The following KHDRBS2 variants were observed in gnomAD, a reference collection of about 807,000 sequenced individuals.
The protein encoded by KHDRBS2 is KH domain-containing, RNA-binding, signal transduction-associated protein 2.
A neutral mutation model predicts 44.3 loss-of-function variants in KHDRBS2; 26 were observed. The ratio of observed to expected loss-of-function variants is 0.59; its 90% confidence interval spans 0.43 to 0.81. KHDRBS2 has a LOEUF of 0.81. Ranked by LOEUF, KHDRBS2 falls within the 40% of genes least tolerant of loss-of-function variation. KHDRBS2 has a pLI of 0.00. For synonymous variants in KHDRBS2, 194 were observed against 151.1 expected (o/e 1.28, Z -2.08); for missense variants, 476 against 433.1 (o/e 1.10, Z -0.88).
At position 62,000,543 on chromosome 6, in the gene KHDRBS2, C is replaced by T. The variant is rs145223471; in HGVS notation, c.337-22331G>A. ...AGTGAGAAAAAAATATCAAATTAAG[C>T]ACCTTAAAGATTCGTAAGAGTTAAA... On this transcript the variant is annotated intron_variant, in intron 3 of 8. Coordinates refer to ENST00000281156, the MANE Select transcript of KHDRBS2 (RefSeq NM_152688.4). Among the ~76,000 whole-genome samples the T allele has an allele frequency of 2.1e-3, 325 of 152,242 alleles. 1 individual carries two copies. The highest frequency in any genetic ancestry group is 7.3e-3 in the African/African-American group (305 of 41,544).
At chr6:61,583,757 A>G in the KHDRBS2 span, among the ~76,000 whole-genome samples, 1 of 151,626 alleles carries the variant, frequency 6.6e-6, no homozygotes, top group African/African-American at 2.4e-5. Flanking sequence ...TAATCTTGCT[A>G]ATATTTTTAT....
intron 6 of KHDRBS2, among the ~76,000 whole-genome samples, chr6:61,872,321 C>T (rs1325106816): frequency 6.6e-6 from 1 of 151,862 alleles, no homozygotes; most frequent in East Asian, 1.9e-4. Flanking sequence ...GCATGTGAAT[C>T]CAAATTTGTA....
At chr6:61,745,633 T>TTTCAGAAGAGAAG (rs1776754667) in intron 6 of KHDRBS2, among the ~76,000 whole-genome samples, 1 of 152,020 alleles carries the variant, frequency 6.6e-6, no homozygotes, top group Non-Finnish European at 1.5e-5. Flanking sequence ...CAAGATCAAG[T>TTTCAGAAGAGAAG]TTTAGAAGCC....
intron 6 of KHDRBS2, among the ~76,000 whole-genome samples, chr6:61,734,253 T>C (rs1209400058): frequency 6.6e-6 from 1 of 152,156 alleles, no homozygotes; most frequent in East Asian, 1.9e-4. Context: ...CTCTATTTGT[T>C]CCTTGAATAC....
intron 6 of KHDRBS2, among the ~76,000 whole-genome samples, chr6:61,822,264 A>C (rs1257031656): frequency 6.6e-6 from 1 of 151,900 alleles, no homozygotes; most frequent in Non-Finnish European, 1.5e-5. Flanking sequence ...TCTTCATCCT[A>C]CTGTAGCCTA....
At chr6:62,168,558 C>G (rs993895147) in intron 2 of KHDRBS2, among the ~76,000 whole-genome samples, 9 of 151,984 alleles carry the variant, frequency 5.9e-5, no homozygotes, top group African/African-American at 2.2e-4. Flanking sequence ...ACAGCTTGTG[C>G]CATTTAGGTA....
At chr6:61,739,443 T>G (rs1775842877) in intron 6 of KHDRBS2, among the ~76,000 whole-genome samples, 2 of 151,892 alleles carry the variant, frequency 1.3e-5, no homozygotes, top group African/African-American at 4.8e-5. Context: ...TGGAAGAATA[T>G]TTCCTCAATT....
intron 1 of KHDRBS2, among the ~76,000 whole-genome samples, chr6:62,190,282 A>G (rs1331400926): frequency 6.6e-6 from 1 of 152,164 alleles, no homozygotes; most frequent in Non-Finnish European, 1.5e-5. Flanking sequence ...GATGCTGCGT[A>G]TCTTTATAAG....
the KHDRBS2 span, among the ~76,000 whole-genome samples, chr6:61,611,642 T>A: frequency 1.3e-5 from 2 of 152,212 alleles, no homozygotes; most frequent in South Asian, 4.1e-4. Context: ...AATCATTTGA[T>A]TCTTTGTTCA....
the KHDRBS2 span, among the ~76,000 whole-genome samples, chr6:61,543,078 C>T: frequency 4.6e-5 from 7 of 151,840 alleles, no homozygotes; most frequent in Admixed American, 1.3e-4. Context: ...TAATACTCCA[C>T]AAGCACAGGC....
chr6:61,646,460 T>C, the KHDRBS2 span, among the ~76,000 whole-genome samples: 11 of 152,146 alleles, frequency 7.2e-5, no homozygotes, highest in Non-Finnish European at 2.9e-5. Flanking sequence ...TTGCTTTTTG[T>C]CAGTTAAAAA....
Position 61,720,042 on chromosome 6 carries a change from T to C in KHDRBS2, c.893+12640A>G, listed in dbSNP as rs1318135391. Among the ~76,000 whole-genome samples the C allele has an allele frequency of 2.6e-5, 4 of 152,000 alleles. No individual in the cohort carries two copies. The East Asian group carries it at 5.8e-4, about 22-fold the overall frequency. On this transcript the variant is annotated intron_variant, in intron 7 of 8. Coordinates refer to ENST00000281156, the MANE Select transcript of KHDRBS2 (RefSeq NM_152688.4). ...GAATATGCGGTGTTTGGTTTTTTGT[T>C]CTTGCGATAGTTTACTGAGAATGAT...
intron 1 of KHDRBS2, among the ~76,000 whole-genome samples, chr6:62,225,578 T>C (rs1831634233): frequency 6.6e-6 from 1 of 152,188 alleles, no homozygotes; most frequent in Non-Finnish European, 1.5e-5. Flanking sequence ...CATGTAGGGT[T>C]GTTACATAGG....
intron 6 of KHDRBS2, among the ~76,000 whole-genome samples, chr6:61,837,246 G>A (rs75571779): frequency 6.6e-6 from 1 of 151,938 alleles, no homozygotes; most frequent in East Asian, 1.9e-4. Flanking sequence ...TGTCACATAA[G>A]TATTCAAAGT....
At chr6:62,146,789 GA>G (rs5876779) in intron 2 of KHDRBS2, among the ~76,000 whole-genome samples, 148,624 of 151,752 alleles carry the variant, frequency 0.98, 72,801 homozygotes, top group East Asian at 1. Context: ...CAAGGGTTGA[GA>G]AAAAAATGGT....
the KHDRBS2 span, among the ~76,000 whole-genome samples, chr6:61,586,718 A>G: frequency 6.9e-3 from 1,056 of 152,264 alleles, 6 homozygotes; most frequent in Non-Finnish European, 0.012. Context: ...CACTTGAAAG[A>G]AAATATATAT....
intron 3 of KHDRBS2, among the ~76,000 whole-genome samples, chr6:62,047,675 C>CT (rs1182301489): frequency 1.3e-5 from 2 of 151,746 alleles, no homozygotes; most frequent in Non-Finnish European, 2.9e-5. Context: ...ATAGAATATA[C>CT]TTTCTGGAAA....
intron 3 of KHDRBS2, among the ~76,000 whole-genome samples, chr6:62,042,253 CTA>C (rs146897340): frequency 0.028 from 4,234 of 152,116 alleles, 193 homozygotes; most frequent in African/African-American, 0.094. Context: ...TTCCACTTAT[CTA>C]TATTTTATAA....
intron 1 of KHDRBS2, among the ~76,000 whole-genome samples, chr6:62,273,998 C>T (rs573584777): frequency 3.9e-5 from 6 of 152,092 alleles, no homozygotes; most frequent in East Asian, 1.9e-4. Context: ...TGCAGTGGCG[C>T]GATCTCAGCT....
Sources: allele counts gnomAD v4.1 joint callset (sites outside exome capture counted in the v4.1 genomes callset), GRCh38; gene constraint gnomAD v4.1.1; transcripts MANE v1.5; gene names NCBI Gene and HGNC (gene_info 2026-07-23, HGNC 2026-07-21).